Variants in MECOM observed in about 807,000 individuals in gnomAD.
MECOM encodes the protein MDS1 and EVI1 complex locus, also known as histone-lysine N-methyltransferase MECOM.
A neutral mutation model predicts 116.3 loss-of-function variants in MECOM; 13 were observed. The observed-to-expected ratio is 0.11, with a 90% CI of 0.07 to 0.18. The LOEUF is 0.18. Ranked by LOEUF, MECOM falls within the 10% of genes least tolerant of loss-of-function variation. The pLI, the probability that MECOM is intolerant of heterozygous loss-of-function variation, is 1.00. For synonymous variants in MECOM, 528 were observed against 535.2 expected (o/e 0.99, Z 0.19); for missense variants, 1,299 against 1,509.0 (o/e 0.86, Z 2.31).
At chr3:169,381,548 G>T in intron 1 of MECOM, 24 bp from the exon 2 acceptor site, 1 of 1,512,828 alleles carries the variant, frequency 6.6e-7, no homozygotes, top group Non-Finnish European at 8.9e-7. Flanking sequence ...AGAACTTCAT[G>T]AATTCCTTCT....
Position 169,127,902 on chromosome 3 carries a change from C to G in MECOM, c.772G>C (p.Glu258Gln), listed in dbSNP as rs1472666735. The G allele has an allele frequency of 6.2e-7, 1 of 1,613,950 alleles. No individual in the cohort carries two copies. Among genetic ancestry groups the G allele is most frequent in the Non-Finnish European group, 8.5e-7 (1 of 1,179,950 alleles). The change falls in exon 5 of 17, where the codon GAG (glutamate) becomes CAG (glutamine). Residue 258 changes from glutamate (E) to glutamine (Q), a missense_variant. Around this residue, in one of 6 missense-constraint regions of MECOM, gnomAD observed 374 missense variants for 433.4 expected, o/e 0.86. Transcript: ENST00000651503. ...TTACACTCCTGGATCGTGTGTATCT[C>G]TTGGAGATCATTCTCGCTTTCGAGT... ...QKLESENDLQEIHTIQECKEC... is the reference protein window; with the variant it reads ...QKLESENDLQQIHTIQECKEC...
At position 169,284,296 on chromosome 3, in the gene MECOM, T is replaced by C. The variant is rs1429367810; in HGVS notation, c.375+96891A>G. 2.0e-5 allele frequency among the ~76,000 whole-genome samples: 3 copies of C among 152,166 alleles called. No homozygotes were observed. The South Asian group carries it at 6.2e-4, about 32-fold the overall frequency. ...ACCTTTCGGAAACCACGGGGTCACA[T>C]TCTAGCAGCCTCCTTCGTGGTCTTG... On this transcript the variant is annotated intron_variant, in intron 2 of 16. Coordinates refer to ENST00000651503, the MANE Select transcript of MECOM (RefSeq NM_004991.4).
intron 1 of MECOM, among the ~76,000 whole-genome samples, chr3:169,513,372 G>C (rs2109036957): frequency 6.6e-6 from 1 of 152,352 alleles, no homozygotes; most frequent in South Asian, 2.1e-4. Context: ...TGAGGTTAGA[G>C]TGAAATTGAA....
In MECOM at chr3:169,472,831, T is replaced by C. The variant is rs142128689; in HGVS notation, c.38-91307A>G. ...TTCAATTTATAGAAAATCCTAATCA[T>C]GTGTTTAACCGACATAAAGTTCAAA... is the stretch of plus-strand genomic sequence containing the variant. On this transcript the variant is annotated intron_variant, in intron 1 of 16. Coordinates refer to ENST00000651503, the MANE Select transcript of MECOM (RefSeq NM_004991.4). 335 of 230,620 alleles carry C rather than the reference T, an allele frequency of 1.5e-3. 6 individuals carry two copies. In the East Asian group the frequency reaches 0.051, roughly 35 times the overall value. The allele number at this position is 230,620 out of a possible 1,614,324, so 14.3% of individuals were successfully genotyped here.
chr3:169,420,064 AT>A (rs1369592126), intron 1 of MECOM, among the ~76,000 whole-genome samples: 1 of 152,224 alleles, frequency 6.6e-6, no homozygotes, highest in African/African-American at 2.4e-5. Flanking sequence ...ATTAGATACC[AT>A]CTCACGCCAG....
intron 1 of MECOM, among the ~76,000 whole-genome samples, chr3:169,407,656 A>G (rs1375880968): frequency 2.0e-5 from 3 of 152,198 alleles, no homozygotes; most frequent in Admixed American, 1.3e-4. Context: ...CTCACACATA[A>G]TCCAAAATAA....
intron 3 of MECOM, among the ~76,000 whole-genome samples, chr3:169,142,714 A>G (rs1176415437): frequency 1.3e-5 from 2 of 151,974 alleles, no homozygotes; most frequent in African/African-American, 4.8e-5. Flanking sequence ...TACGATGCCA[A>G]AGAATAATCT....
At chr3:169,331,447 T>C (rs1722701764) in intron 2 of MECOM, among the ~76,000 whole-genome samples, 1 of 152,126 alleles carries the variant, frequency 6.6e-6, no homozygotes, top group Non-Finnish European at 1.5e-5. Flanking sequence ...AAGTGTTAAT[T>C]ATCATCCCCA....
chr3:169,409,209 C>A (rs190722702), intron 1 of MECOM, among the ~76,000 whole-genome samples: 84 of 152,298 alleles, frequency 5.5e-4, no homozygotes, highest in South Asian at 3.3e-3. Context: ...TCTCACAGTT[C>A]CTTTCAGCTT....
intron 1 of MECOM, among the ~76,000 whole-genome samples, chr3:169,531,786 T>A (rs1259771386): frequency 6.6e-6 from 1 of 152,242 alleles, no homozygotes; most frequent in Non-Finnish European, 1.5e-5. Context: ...ATAGCTTTAT[T>A]AATCTACTTC....
At chr3:169,298,350 G>A (rs912067385) in intron 2 of MECOM, among the ~76,000 whole-genome samples, 2 of 151,744 alleles carry the variant, frequency 1.3e-5, no homozygotes, top group Admixed American at 1.3e-4. Context: ...TGTATTAAAT[G>A]TTATATATTA....
chr3:169,532,860 T>C (rs1351420878), intron 1 of MECOM, among the ~76,000 whole-genome samples: 4 of 131,370 alleles, frequency 3.0e-5, no homozygotes, highest in Non-Finnish European at 5.0e-5. Context: ...TTTTTACACA[T>C]AGACATTTTT....
intron 1 of MECOM, among the ~76,000 whole-genome samples, chr3:169,389,855 G>A (rs79910188): frequency 0.059 from 8,959 of 152,250 alleles, 566 homozygotes; most frequent in Admixed American, 0.2. Flanking sequence ...TCACAGTCAG[G>A]AATTTACTGA....
chr3:169,434,346 A>T (rs931591781), intron 1 of MECOM, among the ~76,000 whole-genome samples: 2 of 152,212 alleles, frequency 1.3e-5, no homozygotes, highest in Admixed American at 1.3e-4. Context: ...CCTACCAGAA[A>T]TAATAGTAAC....
At chr3:169,424,485 A>G (rs992727573) in intron 1 of MECOM, among the ~76,000 whole-genome samples, 1 of 152,202 alleles carries the variant, frequency 6.6e-6, no homozygotes, top group East Asian at 1.9e-4. Context: ...ACAGCTCATG[A>G]CCTCTATGAT....
At chr3:169,197,912 C>T (rs1748642648) in intron 2 of MECOM, among the ~76,000 whole-genome samples, 2 of 151,978 alleles carry the variant, frequency 1.3e-5, no homozygotes, top group African/African-American at 4.8e-5. Context: ...TTCTTATGGG[C>T]TATAGTTTTC....
intron 1 of MECOM, among the ~76,000 whole-genome samples, chr3:169,476,639 C>G (rs531169439): frequency 1.3e-5 from 2 of 152,208 alleles, no homozygotes; most frequent in East Asian, 3.9e-4. Flanking sequence ...AAGCATGCCT[C>G]CCTTGGTACT....
chr3:169,151,698 G>A (rs1376935598), intron 2 of MECOM, among the ~76,000 whole-genome samples: 1 of 150,882 alleles, frequency 6.6e-6, no homozygotes, highest in Non-Finnish European at 1.5e-5. Context: ...ATTGATGTGT[G>A]TTTAAAAAGA....
chr3:169,284,993 G>C (rs1577586558), intron 2 of MECOM, among the ~76,000 whole-genome samples: 1 of 152,090 alleles, frequency 6.6e-6, no homozygotes, highest in African/African-American at 2.4e-5. Context: ...TGGCCCCCAT[G>C]GTGTGAAAGG....
Sources: allele counts gnomAD v4.1 joint callset (sites outside exome capture counted in the v4.1 genomes callset), GRCh38; gene constraint gnomAD v4.1.1; regional missense constraint gnomAD v4.1.1; transcripts MANE v1.5; gene names NCBI Gene and HGNC (gene_info 2026-07-23, HGNC 2026-07-21).